Variants in ATAD3C observed in about 807,000 individuals in gnomAD.
ATAD3C encodes the protein ATPase family AAA domain-containing protein 3C.
In ATAD3C, 38 loss-of-function variants were observed where a neutral mutation model predicts 46.3. That is an observed-to-expected ratio of 0.82 (90% confidence interval 0.63 to 1.08). The LOEUF (loss-of-function observed/expected upper bound fraction) is 1.08, where lower values mean the gene tolerates loss of function less well. Ranked by LOEUF, ATAD3C falls within the 50% of genes least tolerant of loss-of-function variation. The pLI, the probability that ATAD3C is intolerant of heterozygous loss-of-function variation, is 0.00. For missense variants in ATAD3C, 563 were observed against 572.7 expected (o/e 0.98, Z 0.17); for synonymous variants, 220 against 236.4 (o/e 0.93, Z 0.63).
At chr1:1,451,683 G>C (rs547494478) in intron 1 of ATAD3C, among the ~76,000 whole-genome samples, 1 of 152,084 alleles carries the variant, frequency 6.6e-6, no homozygotes, top group Non-Finnish European at 1.5e-5. Context: ...CGGGGTTCAC[G>C]TGTTGCCTGT....
At chr1:1,465,832 G>A (rs967703325) in intron 11 of ATAD3C, among the ~76,000 whole-genome samples, 4 of 151,896 alleles carry the variant, frequency 2.6e-5, no homozygotes, top group Non-Finnish European at 5.9e-5. Context: ...ACAACTTCCA[G>A]TGGTATGTGG....
intron 9 of ATAD3C, 102 bp from the exon 10 acceptor site, chr1:1,460,648 T>G: frequency 7.0e-7 from 1 of 1,419,130 alleles, no homozygotes; most frequent in South Asian, 1.6e-5. Flanking sequence ...CCACTTTAGA[T>G]TCTCCCAGAA....
chr1:1,455,692 C>T (rs1367265895), intron 5 of ATAD3C, 99 bp from the exon 6 acceptor site: 17 of 1,568,354 alleles, frequency 1.1e-5, no homozygotes, highest in South Asian at 4.6e-5. Flanking sequence ...GGTGGCTCCC[C>T]GGAGAGCGGA....
chr1:1,461,725 A>AGAGGC (rs1263605438), intron 10 of ATAD3C, among the ~76,000 whole-genome samples: 2 of 147,830 alleles, frequency 1.4e-5, no homozygotes, highest in East Asian at 2.0e-4. Flanking sequence ...CCATGTAGGG[A>AGAGGC]TTGGAGGGAG....
chr1:1,458,132 C>T (rs1638998070), intron 8 of ATAD3C, among the ~76,000 whole-genome samples: 1 of 151,162 alleles, frequency 6.6e-6, no homozygotes, highest in Non-Finnish European at 1.5e-5. Context: ...GTGTGTGCCA[C>T]CACATCCAGA....
intron 8 of ATAD3C, among the ~76,000 whole-genome samples, chr1:1,457,574 C>G (rs576316792): frequency 2.5e-5 from 3 of 120,120 alleles, no homozygotes; most frequent in African/African-American, 1.1e-4. Context: ...CCAGCCTGGG[C>G]GACACAGCGA....
At position 1,454,482 on chromosome 1, in the gene ATAD3C, G is replaced by A. The variant is rs756618775; in HGVS notation, c.360G>A (p.Ala120=). The A allele has an allele frequency of 8.7e-6, 14 of 1,608,868 alleles. No individual in the cohort carries two copies. Among genetic ancestry groups the A allele is most frequent in the African/African-American group, 2.7e-5 (2 of 74,398 alleles). Reference sequence around the variant, plus strand: ...CGTCCCGCATCACGGTGCTTGAGGCGCTGCGGCACCCCATCCAGGTAGCGG... The same window carrying A: ...CGTCCCGCATCACGGTGCTTGAGGCACTGCGGCACCCCATCCAGGTAGCGG... The part of the protein sequence containing the change: ...RETSRITVLE[A]LRHPIQQVSR... Residue 120 remains alanine (A), a synonymous_variant, in exon 4 of 12, where the codon GCG becomes GCA. Transcript: ENST00000378785.
At chr1:1,460,667 T>G in intron 9 of ATAD3C, 83 bp from the exon 10 acceptor site, 1 of 1,444,350 alleles carries the variant, frequency 6.9e-7, no homozygotes, top group East Asian at 2.6e-5. Context: ...AAAGTCTTCC[T>G]GAGGGGGCTG....
intron 8 of ATAD3C, among the ~76,000 whole-genome samples, chr1:1,457,550 C>A (rs899084558): frequency 2.3e-5 from 3 of 128,124 alleles, no homozygotes; most frequent in African/African-American, 3.2e-5. Context: ...GAGCCGAGAT[C>A]GTGCTGCTGC....
At chr1:1,453,643 A>ATTTT (rs70949591) in intron 3 of ATAD3C, among the ~76,000 whole-genome samples, 2 of 142,850 alleles carry the variant, frequency 1.4e-5, no homozygotes, top group African/African-American at 5.2e-5. Context: ...GGCATAAACC[A>ATTTT]TTTTTTTTTT....
chr1:1,455,492 G>C lies in ATAD3C; in HGVS notation c.411G>C (p.Gln137His). ...QVSRRLLSRP[Q>H]DVLEGVVLSP... ...GCCGGCGGCTCCTCAGTCGACCCCA[G>C]GACGTGCTGGAGGGTGTTGTGCTTA... The change falls in exon 5 of 12, where the codon CAG (glutamine) becomes CAC (histidine). Residue 137 changes from glutamine to histidine, a missense_variant. Gln to His is a conservative substitution (Grantham distance 24). This residue lies in a region of ATAD3C where 263 missense variants were observed against 243.1 expected (regional missense o/e 1.08). Coordinates refer to ENST00000378785, the MANE Select transcript of ATAD3C (RefSeq NM_001039211.3). 1.9e-6 allele frequency: 3 copies of C among 1,612,658 alleles called. No individual in the cohort carries two copies. In the South Asian group the frequency reaches 3.3e-5, roughly 18 times the overall value.
At position 1,450,322 on chromosome 1, in the gene ATAD3C, CA is replaced by C. The variant is rs538836491; in HGVS notation, c.-343del. 0.2 allele frequency: 21,443 copies of C among 109,300 alleles called. 901 individuals are homozygous for C. Among genetic ancestry groups the C allele is most frequent in the African/African-American group, 0.27 (7,933 of 29,286 alleles). The allele number at this position is 109,300 out of a possible 1,614,324, so 6.8% of individuals were successfully genotyped here. A position where few individuals can be genotyped will look rare whatever the true frequency, so the allele number is the denominator to read the frequency against. ...CCTGGGCCAGAATGAGACTCCGTCT[CA>C]AAAAAAAAAAAAAAAAAAGCATGTG... On this transcript the variant is annotated 5_prime_UTR_variant, in exon 1 of 12. It removes the in-frame stop codon of an upstream open reading frame in the 5' UTR. Coordinates refer to ENST00000378785, the MANE Select transcript of ATAD3C (RefSeq NM_001039211.3).
chr1:1,454,259 G>A, intron 3 of ATAD3C, 86 bp from the exon 4 acceptor site: 1 of 1,496,188 alleles, frequency 6.7e-7, no homozygotes, highest in Non-Finnish European at 9.0e-7. Context: ...CAGGCGGAGA[G>A]AGGGTGGGGG....
chr1:1,455,178 C>T (rs1163719155), intron 4 of ATAD3C, among the ~76,000 whole-genome samples: 4 of 142,148 alleles, frequency 2.8e-5, no homozygotes. Flanking sequence ...GATCACGCCA[C>T]TGCACTCCAG....
chr1:1,457,616 A>T (rs913394396), intron 8 of ATAD3C, among the ~76,000 whole-genome samples: 2 of 115,588 alleles, frequency 1.7e-5, no homozygotes, highest in Non-Finnish European at 3.1e-5. Context: ...AAAAAAAAAC[A>T]AAAAAAACAG....
rs1452769160 is a variant in ATAD3C at position 1,460,810 on chromosome 1, C to T, written c.873C>T (p.Cys291=). The T allele has an allele frequency of 6.2e-7, 1 of 1,613,010 alleles. No homozygotes were observed. The highest frequency in any genetic ancestry group is 1.7e-5 in the Admixed American group (1 of 59,952). Residue 291 remains cysteine (C), a synonymous_variant, in exon 10 of 12, where the codon TGC becomes TGT. Coordinates refer to ENST00000378785, the MANE Select transcript of ATAD3C (RefSeq NM_001039211.3). ...PEQFDWAINA[C]IDVMVHFDLP... ...AGTTCGACTGGGCCATCAATGCCTG[C>T]ATCGACGTGATGGTCCACTTCGACC...
chr1:1,455,976 G>T, intron 6 of ATAD3C, 60 bp downstream of exon 6: 7 of 1,605,358 alleles, frequency 4.4e-6, no homozygotes, highest in Non-Finnish European at 5.9e-6. Flanking sequence ...CTGCCTGCAG[G>T]TGTCTGGGGG....
At chr1:1,460,713 C>T in intron 9 of ATAD3C, 37 bp from the exon 10 acceptor site, 2 of 1,561,298 alleles carry the variant, frequency 1.3e-6, no homozygotes, top group Non-Finnish European at 1.7e-6. Context: ...GCTCGGCCGG[C>T]AGCCCCAGCG....
At position 1,450,579 on chromosome 1, in the gene ATAD3C, G is replaced by A; in HGVS notation, c.-105G>A. 2.1e-6 allele frequency: 3 copies of A among 1,431,746 alleles called. No homozygotes were observed. The highest frequency in any genetic ancestry group is 2.9e-6 in the Non-Finnish European group (3 of 1,042,544). The allele number at this position is 1,431,746 out of a possible 1,614,324, so 88.7% of individuals were successfully genotyped here. Reference sequence around the variant, plus strand: ...GCAGGGCTGGGGGCTTTGAGGTCGAGGCGTGGCCGTGGATTCCAGAAAGCC... The same window carrying A: ...GCAGGGCTGGGGGCTTTGAGGTCGAAGCGTGGCCGTGGATTCCAGAAAGCC... On this transcript the variant is annotated 5_prime_UTR_variant, in exon 1 of 12. Transcript: ENST00000378785.
Sources: allele counts gnomAD v4.1 joint callset (sites outside exome capture counted in the v4.1 genomes callset), GRCh38; gene constraint gnomAD v4.1.1; regional missense constraint gnomAD v4.1.1; transcripts MANE v1.5; gene names NCBI Gene and HGNC (gene_info 2026-07-23, HGNC 2026-07-21).